RAPGEF1: variants seen among roughly 807,000 people sequenced by gnomAD.
RAPGEF1 encodes CRK SH3-binding GNRP.
A neutral mutation model predicts 143.3 loss-of-function variants in RAPGEF1; 33 were observed. That is an observed-to-expected ratio of 0.23 (90% confidence interval 0.17 to 0.31). RAPGEF1 has a LOEUF of 0.31. RAPGEF1 is among the 10% of genes least tolerant of loss of function. The pLI, the probability that RAPGEF1 is intolerant of heterozygous loss-of-function variation, is 1.00. For synonymous variants in RAPGEF1, 629 were observed against 676.5 expected (o/e 0.93, Z 1.09); for missense variants, 1,199 against 1,645.4 (o/e 0.73, Z 4.69).
chr9:131,714,710 T>C (rs1337912000), intron 1 of RAPGEF1, among the ~76,000 whole-genome samples: 1 of 143,550 alleles, frequency 7.0e-6, no homozygotes, highest in Non-Finnish European at 1.5e-5. Flanking sequence ...TCTGCCTTTT[T>C]TTTTTTTTTT....
intron 12 of RAPGEF1, among the ~76,000 whole-genome samples, chr9:131,611,373 T>C (rs1347401836): frequency 6.6e-6 from 1 of 152,214 alleles, no homozygotes; most frequent in African/African-American, 2.4e-5. Context: ...GAAAAAAGGA[T>C]GTAAAAGAAC....
Position 131,628,627 on chromosome 9 carries a change from G to T in RAPGEF1, c.939C>A (p.Ser313=). Residue 313 remains serine, a synonymous_variant, in exon 8 of 27, where the codon TCC becomes TCA. Coordinates refer to ENST00000683357, the MANE Select transcript of RAPGEF1 (RefSeq NM_001377935.1). This position sits in a 1 kb window ranked among gnomAD's most constrained non-coding sequence, Gnocchi z 5.7. ...LPPKKRQSAP[S]PTRVAVVAPM... ...GGGCCACCACAGCCACTCGGGTAGG[G>T]GACGGCGCCGACTGTCTTTTCTTGG... is the stretch of plus-strand genomic sequence containing the variant. 1.2e-6 allele frequency: 2 copies of T among 1,611,904 alleles called. No homozygotes were observed. The highest frequency in any genetic ancestry group is 4.5e-5 in the East Asian group (2 of 44,810).
intron 1 of RAPGEF1, among the ~76,000 whole-genome samples, chr9:131,704,126 C>T (rs1482219280): frequency 6.6e-6 from 1 of 151,852 alleles, no homozygotes; most frequent in Non-Finnish European, 1.5e-5. Flanking sequence ...AGACACAGGC[C>T]TGGAAATGTG....
intron 1 of RAPGEF1, among the ~76,000 whole-genome samples, chr9:131,687,394 C>T (rs1299335943): frequency 1.3e-5 from 2 of 151,924 alleles, no homozygotes; most frequent in East Asian, 3.9e-4. Context: ...GGGGTTTCAC[C>T]ATCTTGGCCA....
At position 131,621,838 on chromosome 9, in the gene RAPGEF1, C is replaced by T; in HGVS notation, c.1863G>A (p.Glu621=). 6.2e-7 allele frequency: 1 copy of T among 1,610,986 alleles called. No homozygotes were observed. The highest frequency in any genetic ancestry group is 8.5e-7 in the Non-Finnish European group (1 of 1,178,698). Reference sequence around the variant, plus strand: ...GGGGTAGGGCGGGCGGCGGGGCCAGCTCCTGCACGGAGTCCACCCCACTGA... The same window carrying T: ...GGGGTAGGGCGGGCGGCGGGGCCAGTTCCTGCACGGAGTCCACCCCACTGA... ...DSFSGVDSVQ[E]LAPPPALPPK... Residue 621 remains glutamate, a synonymous_variant, in exon 11 of 27, where the codon GAG becomes GAA. Transcript: ENST00000683357. This position sits in a 1 kb window ranked among gnomAD's most constrained non-coding sequence, Gnocchi z 4.5.
At position 131,704,086 on chromosome 9, in the gene RAPGEF1, C is replaced by T. The variant is rs539617371; in HGVS notation, c.61+35684G>A. 1.4e-3 allele frequency among the ~76,000 whole-genome samples: 220 copies of T among 152,060 alleles called. 1 individual carries two copies. The highest frequency in any genetic ancestry group is 3.4e-3 in the Middle Eastern group (1 of 294). On this transcript the variant is annotated intron_variant, in intron 1 of 26. Transcript: ENST00000683357. ...GTGCTCACGGTAGTCCTTCAAAGTA[C>T]GCATTATTATTAATCTCATTTAGAG...
intron 1 of RAPGEF1, among the ~76,000 whole-genome samples, chr9:131,696,059 C>T (rs937045220): frequency 6.6e-6 from 1 of 152,242 alleles, no homozygotes; most frequent in Non-Finnish European, 1.5e-5. Context: ...TCCCTGTGGG[C>T]TGCTGGCCAG....
chr9:131,596,510 C>G, intron 16 of RAPGEF1, 137 bp from the exon 17 acceptor site: 3 of 872,716 alleles, frequency 3.4e-6, no homozygotes, highest in Non-Finnish European at 5.5e-6. Context: ...CTCCTCGGCC[C>G]AGGAGCAGTG....
At position 131,628,165 on chromosome 9, in the gene RAPGEF1, C is replaced by G; in HGVS notation, c.1018-69G>C. The G allele has an allele frequency of 7.4e-7, 1 of 1,355,282 alleles. No homozygotes were observed. The highest frequency in any genetic ancestry group is 9.8e-7 in the Non-Finnish European group (1 of 1,020,938). The allele number at this position is 1,355,282 out of a possible 1,614,324, so 84.0% of individuals were successfully genotyped here. A position where few individuals can be genotyped will look rare whatever the true frequency, so the allele number is the denominator to read the frequency against. ...ACGGTGGCACAGACCAGGGGTGAGG[C>G]AACCGGTGCATTTACTTAGAGAAGG... On this transcript the variant is annotated intron_variant, in intron 8 of 26. Coordinates refer to ENST00000683357, the MANE Select transcript of RAPGEF1 (RefSeq NM_001377935.1). The surrounding 1 kb of genome is among the most constrained non-coding windows in gnomAD (Gnocchi z 5.7).
At chr9:131,680,477 C>T (rs1353591852) in intron 1 of RAPGEF1, among the ~76,000 whole-genome samples, 1 of 152,212 alleles carries the variant, frequency 6.6e-6, no homozygotes, top group Non-Finnish European at 1.5e-5. Flanking sequence ...CCATAATGCC[C>T]ACGCTGGAAG....
chr9:131,587,689 C>G (rs191806735), intron 22 of RAPGEF1, 47 bp downstream of exon 22: 1 of 1,559,982 alleles, frequency 6.4e-7, no homozygotes, highest in Non-Finnish European at 8.8e-7. Flanking sequence ...CCCACCCAGA[C>G]GTGCCACCAT....
At chr9:131,626,495 G>T in intron 9 of RAPGEF1, 73 bp from the exon 10 acceptor site, 1 of 1,459,156 alleles carries the variant, frequency 6.9e-7, no homozygotes, top group Non-Finnish European at 9.2e-7. Flanking sequence ...CCCCCCGCCC[G>T]CCTCTCGCCG....
At position 131,578,037 on chromosome 9, in the gene RAPGEF1, A is replaced by C. The variant is rs1390875725; in HGVS notation, c.*1460T>G. On this transcript the variant is annotated 3_prime_UTR_variant, in exon 27 of 27. Coordinates refer to ENST00000683357, the MANE Select transcript of RAPGEF1 (RefSeq NM_001377935.1). ...TTGTTCTGTTTGAACTGGGCTAAGTAAGCACAGTTAGACCCTGCTGTTCAC... is the reference window on the plus strand; with the variant it reads ...TTGTTCTGTTTGAACTGGGCTAAGTCAGCACAGTTAGACCCTGCTGTTCAC... The C allele has an allele frequency of 6.6e-6, 1 of 152,246 alleles. No homozygotes were observed. The highest frequency in any genetic ancestry group is 2.4e-5 in the African/African-American group (1 of 41,452). 9.4% of individuals were successfully genotyped at this position (152,246 alleles called of 1,614,324 possible).
In RAPGEF1 at chr9:131,618,447, GGTTT is replaced by G. The variant is rs112507651; in HGVS notation, c.2061+600_2061+603del. Among the ~76,000 whole-genome samples the G allele has an allele frequency of 3.3e-3, 503 of 152,320 alleles. 3 individuals carry two copies. The highest frequency in any genetic ancestry group is 0.011 in the African/African-American group (462 of 41,570). ...TATTTTAAGCCACCAAGTTTTGGGT[GGTTT>G]GTTATGCAGCAAAAGCAAACTAATA... is the stretch of plus-strand genomic sequence containing the variant. On this transcript the variant is annotated intron_variant, in intron 12 of 26. Transcript: ENST00000683357.
intron 10 of RAPGEF1, among the ~76,000 whole-genome samples, chr9:131,623,286 C>A (rs904602544): frequency 6.6e-6 from 1 of 151,946 alleles, no homozygotes; most frequent in African/African-American, 2.4e-5. Flanking sequence ...CATAGTGAGA[C>A]CCCCGTCTCT....
At chr9:131,718,850 C>T (rs1310716058) in intron 1 of RAPGEF1, among the ~76,000 whole-genome samples, 2 of 152,152 alleles carry the variant, frequency 1.3e-5, no homozygotes, top group African/African-American at 2.4e-5. Context: ...ACTAGGCTGC[C>T]TGTTCCCAAA....
At chr9:131,610,392 T>C (rs897035678) in intron 12 of RAPGEF1, among the ~76,000 whole-genome samples, 7 of 152,148 alleles carry the variant, frequency 4.6e-5, no homozygotes, top group African/African-American at 1.7e-4. Context: ...CCCTGGAGAA[T>C]TGTCAGCTCC....
At chr9:131,658,987 G>A (rs1973266412) in intron 1 of RAPGEF1, among the ~76,000 whole-genome samples, 1 of 152,164 alleles carries the variant, frequency 6.6e-6, no homozygotes, top group South Asian at 2.1e-4. Context: ...CAACCACACG[G>A]GATCACAAAG....
At chr9:131,653,853 A>G (rs2133499108) in intron 1 of RAPGEF1, among the ~76,000 whole-genome samples, 1 of 152,344 alleles carries the variant, frequency 6.6e-6, no homozygotes, top group African/African-American at 2.4e-5. Flanking sequence ...AACATTATTC[A>G]TAATAGCCAA....
Sources: gnomAD v4.1 joint callset for allele counts (sites outside exome capture counted in the v4.1 genomes callset) on GRCh38, gnomAD v4.1.1 for gene constraint, Gnocchi (gnomAD v3.1) non-coding constraint, MANE v1.5 for transcripts, NCBI Gene and HGNC (gene_info 2026-07-23, HGNC 2026-07-21) for gene names.